The following RGS6 variants were observed in gnomAD, a reference collection of about 807,000 sequenced individuals.
The protein encoded by RGS6 is regulator of G-protein signaling 6.
Under a neutral mutation model 78.5 loss-of-function variants are expected in RGS6, and 30 were observed. That is an observed-to-expected ratio of 0.38 (90% CI 0.29 to 0.52). RGS6 has a LOEUF of 0.52. Ranked by LOEUF, RGS6 falls within the 20% of genes least tolerant of loss-of-function variation. The pLI is 0.85. For synonymous variants in RGS6, 206 were observed against 206.0 expected (o/e 1.00, Z 0.00); for missense variants, 495 against 609.7 (o/e 0.81, Z 1.98).
intron 3 of RGS6, among the ~76,000 whole-genome samples, chr14:72,453,341 C>T (rs1024320980): frequency 4.0e-5 from 6 of 151,864 alleles, no homozygotes; most frequent in Admixed American, 6.6e-5. Flanking sequence ...CAGGGCCGGG[C>T]GCGGTGGCTC....
chr14:72,533,625 G>A (rs75975874), intron 15 of RGS6, among the ~76,000 whole-genome samples: 21,921 of 152,248 alleles, frequency 0.14, 1,674 homozygotes, highest in African/African-American at 0.2. Context: ...TTTGTGTTTC[G>A]TGGAAAGAAG....
intron 2 of RGS6, among the ~76,000 whole-genome samples, chr14:72,034,960 A>G (rs10132631): frequency 0.043 from 6,588 of 152,230 alleles, 473 homozygotes; most frequent in African/African-American, 0.15. Flanking sequence ...TAAGCTTTAA[A>G]TTGCATGTCA....
At chr14:72,445,498 A>G (rs1165572513) in intron 3 of RGS6, among the ~76,000 whole-genome samples, 1 of 149,264 alleles carries the variant, frequency 6.7e-6, no homozygotes, top group Admixed American at 6.6e-5. Flanking sequence ...TTTTTTTTTT[A>G]ACAGTATCAG....
chr14:72,447,101 TG>T (rs2095385149), intron 3 of RGS6, among the ~76,000 whole-genome samples: 2 of 151,982 alleles, frequency 1.3e-5, no homozygotes, highest in African/African-American at 4.8e-5. Context: ...AAAGATCCTG[TG>T]GTGCAATGGA....
intron 13 of RGS6, among the ~76,000 whole-genome samples, chr14:72,498,654 C>T (rs923841764): frequency 3.9e-5 from 6 of 152,070 alleles, no homozygotes; most frequent in African/African-American, 2.4e-5. Context: ...GGTGAGGGTG[C>T]TCTCAGTGAT....
At chr14:72,048,252 T>C (rs2093005795) in intron 2 of RGS6, among the ~76,000 whole-genome samples, 1 of 152,244 alleles carries the variant, frequency 6.6e-6, no homozygotes, top group Non-Finnish European at 1.5e-5. Context: ...AAACTTGAAT[T>C]TCTATCAAGC....
chr14:72,322,197 A>G (rs889423399), intron 2 of RGS6, among the ~76,000 whole-genome samples: 7 of 152,052 alleles, frequency 4.6e-5, no homozygotes, highest in Non-Finnish European at 7.4e-5. Flanking sequence ...TCAGGAAAAT[A>G]TAAGGTAGCT....
chr14:72,153,045 T>TC (rs2096717003), intron 2 of RGS6, among the ~76,000 whole-genome samples: 1 of 151,934 alleles, frequency 6.6e-6, no homozygotes, highest in Admixed American at 6.6e-5. Context: ...CCAAGACCCC[T>TC]CCCCCAGTGT....
intron 2 of RGS6, among the ~76,000 whole-genome samples, chr14:72,008,275 T>A (rs969441264): frequency 3.3e-5 from 5 of 152,188 alleles, no homozygotes; most frequent in Non-Finnish European, 7.4e-5. Flanking sequence ...CATGCCTCTA[T>A]ATCAAGAAGA....
At chr14:72,162,248 G>T (rs1410733502) in intron 2 of RGS6, among the ~76,000 whole-genome samples, 1 of 152,142 alleles carries the variant, frequency 6.6e-6, no homozygotes, top group Non-Finnish European at 1.5e-5. Flanking sequence ...GGAGGGAAAG[G>T]TTGGATTTAT....
chr14:72,234,766 C>T (rs540539265), intron 2 of RGS6, among the ~76,000 whole-genome samples: 2 of 152,150 alleles, frequency 1.3e-5, no homozygotes, highest in African/African-American at 2.4e-5. Context: ...ACATTTTCCT[C>T]ATGGACCCTC....
chr14:72,209,215 T>C (rs924646397), intron 2 of RGS6, among the ~76,000 whole-genome samples: 1 of 152,232 alleles, frequency 6.6e-6, no homozygotes, highest in African/African-American at 2.4e-5. Context: ...CACTCCAGCC[T>C]AGGTGACAGA....
intron 2 of RGS6, among the ~76,000 whole-genome samples, chr14:72,316,636 T>C (rs1567735667): frequency 1.3e-5 from 2 of 152,202 alleles, no homozygotes; most frequent in Admixed American, 1.3e-4. Flanking sequence ...CAGTCTATCA[T>C]TGATGGACAT....
chr14:72,378,556 A>G (rs1417803526), intron 3 of RGS6, among the ~76,000 whole-genome samples: 1 of 152,166 alleles, frequency 6.6e-6, no homozygotes, highest in East Asian at 1.9e-4. Context: ...GTTAGAGACT[A>G]TAATGAACAA....
chr14:71,898,942 G>A, the RGS6 span, among the ~76,000 whole-genome samples: 1 of 152,110 alleles, frequency 6.6e-6, no homozygotes, highest in African/African-American at 2.4e-5. Context: ...TATTTAAAAT[G>A]CATTCAAAGC....
chr14:72,571,934 T>C, the RGS6 span, among the ~76,000 whole-genome samples: 1 of 152,242 alleles, frequency 6.6e-6, no homozygotes, highest in Non-Finnish European at 1.5e-5. Flanking sequence ...AGAATATATA[T>C]AGAACTTGTA....
intron 2 of RGS6, among the ~76,000 whole-genome samples, chr14:72,051,100 A>G (rs1171091313): frequency 2.0e-5 from 3 of 152,216 alleles, no homozygotes. Flanking sequence ...TAACAATTAT[A>G]CTAGCACAAC....
chr14:72,559,261 G>GCTCAT (rs2097636160), intron 17 of RGS6, among the ~76,000 whole-genome samples: 1 of 152,224 alleles, frequency 6.6e-6, no homozygotes, highest in African/African-American at 2.4e-5. Context: ...CTTTGGGGCA[G>GCTCAT]CTCATCTCTG....
At chr14:72,504,134 A>G (rs1356007770) in intron 13 of RGS6, among the ~76,000 whole-genome samples, 1 of 152,250 alleles carries the variant, frequency 6.6e-6, no homozygotes, top group African/African-American at 2.4e-5. Context: ...ATTGCTTTTG[A>G]GTAATTCTTC....
Sources: gnomAD v4.1 joint callset for allele counts (sites outside exome capture counted in the v4.1 genomes callset) on GRCh38, gnomAD v4.1.1 for gene constraint, MANE v1.5 for transcripts, NCBI Gene and HGNC (gene_info 2026-07-23, HGNC 2026-07-21) for gene names.